The following USP3 variants were observed in gnomAD, a reference collection of about 807,000 sequenced individuals.
USP3 encodes ubiquitin specific peptidase 3.
USP3 carries 20 observed loss-of-function variants against 72.3 expected under a neutral mutation model. The ratio of observed to expected loss-of-function variants is 0.28; its 90% CI spans 0.19 to 0.40. The LOEUF (loss-of-function observed/expected upper bound fraction) is 0.40, where lower values mean the gene tolerates loss of function less well. Among genes scored for constraint, USP3 ranks in the 10% least tolerant of loss-of-function variants. USP3 has a pLI of 1.00. For missense variants in USP3, 479 were observed against 633.9 expected, an observed-to-expected ratio of 0.76 and a Z score of 2.62; for synonymous variants, 222 against 225.3, an observed-to-expected ratio of 0.99 and a Z score of 0.13.
chr15:63,530,095 C>T (rs911757900), intron 1 of USP3, among the ~76,000 whole-genome samples: 3 of 152,152 alleles, frequency 2.0e-5, no homozygotes, highest in African/African-American at 7.2e-5. Flanking sequence ...TGTGATCATG[C>T]CACTGCAATC....
intron 3 of USP3, among the ~76,000 whole-genome samples, chr15:63,542,546 A>G (rs987162832): frequency 3.3e-5 from 5 of 152,090 alleles, no homozygotes; most frequent in Admixed American, 1.3e-4. Context: ...ATAATTACCA[A>G]GTAGAGTTAA....
Position 63,588,824 on chromosome 15 carries a change from G to T in USP3, c.1329+9G>T, listed in dbSNP as rs1160374722. 7 of 1,611,106 alleles carry T rather than the reference G, an allele frequency of 4.3e-6. No homozygotes were observed. The East Asian group carries it at 1.6e-4, about 36-fold the overall frequency. ...AATGCTACTTACTAGAGGTAAGGTGGTTACCTTTTTAGCATGGTGAAAAAA... is the reference window on the plus strand; with the variant it reads ...AATGCTACTTACTAGAGGTAAGGTGTTTACCTTTTTAGCATGGTGAAAAAA... On this transcript the variant is annotated intron_variant, in intron 13 of 14. Transcript: ENST00000380324. The surrounding 1 kb of genome is among the most constrained non-coding windows in gnomAD (Gnocchi z 4.6).
At chr15:63,547,077 C>A (rs1420294427) in intron 3 of USP3, among the ~76,000 whole-genome samples, 2 of 152,120 alleles carry the variant, frequency 1.3e-5, no homozygotes, top group Admixed American at 6.5e-5. Context: ...AGAAATCAAA[C>A]CAGGGGAATC....
At chr15:63,556,869 G>C (rs938385843) in intron 5 of USP3, 121 bp downstream of exon 5, 4 of 785,908 alleles carry the variant, frequency 5.1e-6, no homozygotes, top group Admixed American at 2.8e-5. Context: ...CTTGGATTTG[G>C]AGTATTTTAC....
At chr15:63,563,684 T>A (rs1015402756) in intron 8 of USP3, among the ~76,000 whole-genome samples, 4 of 152,192 alleles carry the variant, frequency 2.6e-5, no homozygotes, top group African/African-American at 7.2e-5. Context: ...TTGGCCACCT[T>A]CTGCCGATTT....
chr15:63,530,730 GT>G, intron 1 of USP3: 1 of 319,180 alleles, frequency 3.1e-6, no homozygotes, highest in Non-Finnish European at 6.1e-6. Flanking sequence ...AGTAAGCTGT[GT>G]ACTAGTTTAC....
In USP3 at chr15:63,568,015, A is replaced by G. The variant is rs542417492; in HGVS notation, c.762-2418A>G. On this transcript the variant is annotated intron_variant, in intron 8 of 14. Coordinates refer to ENST00000380324, the MANE Select transcript of USP3 (RefSeq NM_006537.4). Reference sequence around the variant, plus strand: ...ATGACAGATTTAGGAGAAGGGGGTAATCTTTGTCTGACGTGACAAATGAGA... The same window carrying G: ...ATGACAGATTTAGGAGAAGGGGGTAGTCTTTGTCTGACGTGACAAATGAGA... Among the ~76,000 whole-genome samples, 3 of 152,276 alleles carry G rather than the reference A, an allele frequency of 2.0e-5. No individual in the cohort carries two copies. In the South Asian group the frequency reaches 6.2e-4, roughly 32 times the overall value.
At chr15:63,572,935 G>C (rs2066803068) in intron 9 of USP3, among the ~76,000 whole-genome samples, 1 of 152,180 alleles carries the variant, frequency 6.6e-6, no homozygotes, top group Non-Finnish European at 1.5e-5. Flanking sequence ...GGGGCTAACA[G>C]TAGCTACTTT....
rs1479820067 is a variant in USP3, at chr15:63,529,782, T to G, written c.92-2865T>G. ...TCTGCTCCAGATTTCTTTTTCCTCG[T>G]ACAAAGGAGGGACAAAAATCCTCCA... On this transcript the variant is annotated intron_variant, in intron 1 of 14. Coordinates refer to ENST00000380324, the MANE Select transcript of USP3 (RefSeq NM_006537.4). The surrounding 1 kb of genome is among the most constrained non-coding windows in gnomAD (Gnocchi z 4.2). Among the ~76,000 whole-genome samples, 1 of 152,172 alleles carries G rather than the reference T, an allele frequency of 6.6e-6. No homozygotes were observed. Among genetic ancestry groups the G allele is most frequent in the Admixed American group, 6.5e-5 (1 of 15,280 alleles).
intron 8 of USP3, among the ~76,000 whole-genome samples, chr15:63,566,954 A>C (rs1326634290): frequency 6.6e-6 from 1 of 152,210 alleles, no homozygotes; most frequent in Admixed American, 6.5e-5. Context: ...AGAACCTAAA[A>C]TTCTAACATA....
intron 1 of USP3, among the ~76,000 whole-genome samples, chr15:63,519,922 T>G (rs1449946201): frequency 6.6e-6 from 1 of 152,138 alleles, no homozygotes; most frequent in African/African-American, 2.4e-5. Flanking sequence ...TAGCTTATAT[T>G]TAGCTGGTGG....
At chr15:63,554,785 T>TGATTTCTTTAA (rs1286367065) in intron 4 of USP3, among the ~76,000 whole-genome samples, 1 of 152,254 alleles carries the variant, frequency 6.6e-6, no homozygotes, top group Non-Finnish European at 1.5e-5. Context: ...GGAAGAATAA[T>TGATTTCTTTAA]GATTTCTTTA....
intron 5 of USP3, among the ~76,000 whole-genome samples, chr15:63,557,169 GAAGT>G (rs2066525169): frequency 1.3e-5 from 2 of 152,296 alleles, no homozygotes; most frequent in South Asian, 4.1e-4. Flanking sequence ...CTCCCAGGCT[GAAGT>G]GATTCTCCTG....
At chr15:63,559,780 A>G in intron 6 of USP3, 77 bp from the exon 7 acceptor site, 2 of 1,253,816 alleles carry the variant, frequency 1.6e-6, no homozygotes, top group African/African-American at 1.5e-5. Context: ...TTCAAAATGT[A>G]TATGTAGGCT....
chr15:63,547,829 A>G (rs1394799684), intron 3 of USP3, among the ~76,000 whole-genome samples: 1 of 116,692 alleles, frequency 8.6e-6, no homozygotes, highest in East Asian at 2.1e-4. Flanking sequence ...AGAGAGAGAG[A>G]GAGAGAGGGA....
chr15:63,504,795 T>A lies in USP3; in HGVS notation c.56T>A (p.Phe19Tyr), dbSNP rs766483817. ...TGCATTGCTCCGGACTCAGCCAAGT[T>A]CCCCAACGGCTCCCCGTCGTCCTGG... ...SVCIAPDSAK[F>Y]PNGSPSSWCC... Residue 19 changes from phenylalanine to tyrosine, a missense_variant, in exon 1 of 15, where the codon TTC becomes TAC. Phe to Tyr is a conservative substitution (Grantham distance 22, BLOSUM62 3). Transcript: ENST00000380324. The A allele has an allele frequency of 6.2e-7, 1 of 1,610,672 alleles. No homozygotes were observed. The highest frequency in any genetic ancestry group is 1.1e-5 in the South Asian group (1 of 90,626).
chr15:63,543,287 TG>T (rs2066272473), intron 3 of USP3, among the ~76,000 whole-genome samples: 2 of 152,154 alleles, frequency 1.3e-5, no homozygotes, highest in Admixed American at 1.3e-4. Context: ...TCAAACATAT[TG>T]TGAACAACAT....
intron 8 of USP3, among the ~76,000 whole-genome samples, chr15:63,566,060 ACT>A (rs2066685323): frequency 6.6e-6 from 1 of 151,924 alleles, no homozygotes; most frequent in Non-Finnish European, 1.5e-5. Flanking sequence ...TAAAGCTAAC[ACT>A]CTTCAGGAAA....
Position 63,553,695 on chromosome 15 carries a change from G to C in USP3, c.285-20G>C. The C allele has an allele frequency of 6.2e-7, 1 of 1,608,760 alleles. No homozygotes were observed. The highest frequency in any genetic ancestry group is 8.5e-7 in the Non-Finnish European group (1 of 1,177,372). On this transcript the variant is annotated intron_variant, in intron 3 of 14. Coordinates refer to ENST00000380324, the MANE Select transcript of USP3 (RefSeq NM_006537.4). This position sits in a 1 kb window ranked among gnomAD's most constrained non-coding sequence, Gnocchi z 4.2. ...TTTCCTCAAGCTCTTTACACACATT[G>C]ATTAATATTTTCCTTGCAGTTATCG...
Sources: gnomAD v4.1 joint callset for allele counts (sites outside exome capture counted in the v4.1 genomes callset) on GRCh38, gnomAD v4.1.1 for gene constraint, Gnocchi (gnomAD v3.1) non-coding constraint, MANE v1.5 for transcripts, NCBI Gene and HGNC (gene_info 2026-07-23, HGNC 2026-07-21) for gene names.